The following TBC1D5 variants were observed in gnomAD, a reference collection of about 807,000 sequenced individuals.
The protein encoded by TBC1D5 is TBC1 domain family, member 5.
A neutral mutation model predicts 100.3 loss-of-function variants in TBC1D5; 75 were observed. That is an observed-to-expected ratio of 0.75 (90% CI 0.62 to 0.91). The LOEUF is 0.91. Among genes scored for constraint, TBC1D5 ranks in the 40% least tolerant of loss-of-function variants. The probability of loss-of-function intolerance (pLI) is 0.00; values close to 1 mark genes in which losing one functional copy is unlikely to be tolerated. For synonymous variants in TBC1D5, 323 were observed against 325.6 expected (o/e 0.99, Z 0.09); for missense variants, 910 against 942.4 (o/e 0.97, Z 0.45).
intron 2 of TBC1D5, among the ~76,000 whole-genome samples, chr3:17,582,397 CAT>C (rs2096704209): frequency 6.6e-6 from 1 of 152,146 alleles, no homozygotes; most frequent in African/African-American, 2.4e-5. Flanking sequence ...ATTTTTCTAA[CAT>C]ACACAACTCA....
chr3:17,325,522 C>G (rs752375369), intron 13 of TBC1D5, among the ~76,000 whole-genome samples: 1 of 152,208 alleles, frequency 6.6e-6, no homozygotes, highest in African/African-American at 2.4e-5. Context: ...CAGGGTTTCA[C>G]CATGTTGGCC....
At chr3:17,682,581 C>T (rs1246889506) in intron 1 of TBC1D5, among the ~76,000 whole-genome samples, 4 of 151,372 alleles carry the variant, frequency 2.6e-5, no homozygotes, top group South Asian at 2.1e-4. Context: ...ATACACTTTA[C>T]AAGACTATTA....
At chr3:17,373,728 CTA>C (rs2092578544) in intron 12 of TBC1D5, among the ~76,000 whole-genome samples, 1 of 151,948 alleles carries the variant, frequency 6.6e-6, no homozygotes, top group Admixed American at 6.6e-5. Flanking sequence ...AAACACTATG[CTA>C]AGTGAAAGGA....
At chr3:17,248,117 G>A (rs915389006) in intron 16 of TBC1D5, among the ~76,000 whole-genome samples, 2 of 151,702 alleles carry the variant, frequency 1.3e-5, no homozygotes, top group Non-Finnish European at 2.9e-5. Flanking sequence ...TCAGCCTTGC[G>A]AGCAACTGGG....
chr3:17,309,855 T>G (rs1008856653), intron 13 of TBC1D5, among the ~76,000 whole-genome samples: 1 of 152,120 alleles, frequency 6.6e-6, no homozygotes, highest in Non-Finnish European at 1.5e-5. Flanking sequence ...CAAAGGATTT[T>G]TAACCGATAC....
At chr3:17,198,696 G>A (rs1007390716) in intron 18 of TBC1D5, among the ~76,000 whole-genome samples, 7 of 152,286 alleles carry the variant, frequency 4.6e-5, no homozygotes, top group South Asian at 4.2e-4. Flanking sequence ...GGAAGAGTTC[G>A]TTCTGGGAAG....
intron 13 of TBC1D5, among the ~76,000 whole-genome samples, chr3:17,353,507 T>A (rs772016005): frequency 2.9e-4 from 44 of 152,088 alleles, no homozygotes; most frequent in Non-Finnish European, 5.6e-4. Flanking sequence ...GACAATTACA[T>A]CACTATTATA....
chr3:17,464,318 A>C (rs1377312534), intron 3 of TBC1D5, among the ~76,000 whole-genome samples: 1 of 152,120 alleles, frequency 6.6e-6, no homozygotes, highest in East Asian at 1.9e-4. Flanking sequence ...ACTCCACCTC[A>C]AACCAAGATG....
intron 8 of TBC1D5, among the ~76,000 whole-genome samples, chr3:17,401,570 G>A (rs1298228804): frequency 2.6e-5 from 4 of 151,928 alleles, no homozygotes; most frequent in African/African-American, 7.3e-5. Context: ...GCTATCAGAG[G>A]TTTATTTTCC....
At chr3:17,707,254 T>C (rs2074275338) in intron 1 of TBC1D5, among the ~76,000 whole-genome samples, 1 of 152,066 alleles carries the variant, frequency 6.6e-6, no homozygotes, top group Non-Finnish European at 1.5e-5. Flanking sequence ...TATTGTTAAT[T>C]TATCTCATTT....
chr3:17,163,968 G>A (rs2066340983), intron 21 of TBC1D5, among the ~76,000 whole-genome samples: 1 of 152,136 alleles, frequency 6.6e-6, no homozygotes, highest in Non-Finnish European at 1.5e-5. Flanking sequence ...TGGATCCAGG[G>A]TCCCACAAAG....
chr3:17,521,407 A>G (rs962453204), intron 2 of TBC1D5, among the ~76,000 whole-genome samples: 1 of 152,190 alleles, frequency 6.6e-6, no homozygotes, highest in Non-Finnish European at 1.5e-5. Flanking sequence ...TCTTAATAAC[A>G]TTTCCTTTTC....
At chr3:17,229,802 C>T (rs866726476) in intron 17 of TBC1D5, among the ~76,000 whole-genome samples, 1 of 152,194 alleles carries the variant, frequency 6.6e-6, no homozygotes, top group Non-Finnish European at 1.5e-5. Context: ...CCCTCCCCAT[C>T]TCATAAGGGT....
At chr3:17,527,155 A>C (rs1010557063) in intron 2 of TBC1D5, among the ~76,000 whole-genome samples, 3 of 152,190 alleles carry the variant, frequency 2.0e-5, no homozygotes, top group African/African-American at 7.2e-5. Context: ...ATATGAAGAA[A>C]ATGTAAAGAG....
intron 13 of TBC1D5, among the ~76,000 whole-genome samples, chr3:17,349,653 T>C (rs559083252): frequency 6.6e-6 from 1 of 152,296 alleles, no homozygotes; most frequent in South Asian, 2.1e-4. Context: ...GGCAGGAAGA[T>C]AATCAGCAGA....
intron 16 of TBC1D5, among the ~76,000 whole-genome samples, chr3:17,244,973 C>T (rs866827434): frequency 1.3e-5 from 2 of 149,626 alleles, no homozygotes; most frequent in African/African-American, 5.0e-5. Flanking sequence ...ACTGTTTAAG[C>T]CCAGGAGTTC....
At chr3:17,346,864 C>G (rs543450656) in intron 13 of TBC1D5, among the ~76,000 whole-genome samples, 1 of 152,108 alleles carries the variant, frequency 6.6e-6, no homozygotes, top group African/African-American at 2.4e-5. Flanking sequence ...TTGAAGTCAC[C>G]TTTATAATAT....
chr3:17,438,839 A>G (rs980256797), intron 3 of TBC1D5, among the ~76,000 whole-genome samples: 1 of 152,140 alleles, frequency 6.6e-6, no homozygotes, highest in Non-Finnish European at 1.5e-5. Context: ...CAAAACAACA[A>G]AACAAAAAAT....
At chr3:17,602,119 T>C (rs1043188546) in intron 2 of TBC1D5, among the ~76,000 whole-genome samples, 3 of 152,280 alleles carry the variant, frequency 2.0e-5, no homozygotes, top group Admixed American at 6.5e-5. Context: ...GCGTAAGCCA[T>C]TGCGCCCGGC....
Sources: allele counts gnomAD v4.1 joint callset (sites outside exome capture counted in the v4.1 genomes callset), GRCh38; gene constraint gnomAD v4.1.1; transcripts MANE v1.5; gene names NCBI Gene and HGNC (gene_info 2026-07-23, HGNC 2026-07-21).